Variants in PBX1 observed in about 807,000 individuals in gnomAD.
The protein encoded by PBX1 is pre-B-cell leukemia transcription factor 1.
A neutral mutation model predicts 53.4 loss-of-function variants in PBX1; 6 were observed. That is an observed-to-expected ratio of 0.11 (90% CI 0.06 to 0.22). PBX1 has a LOEUF of 0.22. Among genes scored for constraint, PBX1 ranks in the 10% least tolerant of loss-of-function variants. The pLI is 1.00. For synonymous variants in PBX1, 204 were observed against 212.3 expected (o/e 0.96, Z 0.34); for missense variants, 251 against 551.4 (o/e 0.46, Z 5.46).
chr1:164,825,338 G>T (rs901230076), intron 8 of PBX1, among the ~76,000 whole-genome samples: 1 of 151,998 alleles, frequency 6.6e-6, no homozygotes, highest in East Asian at 1.9e-4. Flanking sequence ...TCTTTGCACT[G>T]TACATACATG....
At chr1:164,669,577 T>C (rs1661004951) in intron 2 of PBX1, among the ~76,000 whole-genome samples, 2 of 152,168 alleles carry the variant, frequency 1.3e-5, no homozygotes, top group Non-Finnish European at 2.9e-5. Context: ...CCAATAGTCC[T>C]CTCCAGAAGT....
intron 2 of PBX1, among the ~76,000 whole-genome samples, chr1:164,776,402 G>A (rs1010435443): frequency 6.6e-6 from 1 of 152,124 alleles, no homozygotes; most frequent in Non-Finnish European, 1.5e-5. Context: ...AGAAGGAAGG[G>A]GTGCTGTGCT....
intron 2 of PBX1, among the ~76,000 whole-genome samples, chr1:164,685,893 C>G (rs1208401986): frequency 6.6e-6 from 1 of 152,152 alleles, no homozygotes; most frequent in East Asian, 1.9e-4. Flanking sequence ...AACCTCAGAC[C>G]ATGGTTTTCT....
At chr1:164,759,990 G>A (rs920147416) in intron 2 of PBX1, among the ~76,000 whole-genome samples, 1 of 152,148 alleles carries the variant, frequency 6.6e-6, no homozygotes, top group Non-Finnish European at 1.5e-5. Context: ...AGAGGTAGTG[G>A]CCTCTTCAAA....
chr1:164,679,027 A>T (rs527822048), intron 2 of PBX1, among the ~76,000 whole-genome samples: 1 of 152,338 alleles, frequency 6.6e-6, no homozygotes, highest in South Asian at 2.1e-4. Context: ...TTCTACATGT[A>T]TCTTCTTGTA....
At chr1:164,764,641 T>G (rs1666976011) in intron 2 of PBX1, among the ~76,000 whole-genome samples, 1 of 152,206 alleles carries the variant, frequency 6.6e-6, no homozygotes, top group Non-Finnish European at 1.5e-5. Context: ...TTCAGCTGCA[T>G]TTTTTCTTTT....
intron 2 of PBX1, among the ~76,000 whole-genome samples, chr1:164,664,425 T>C (rs190928194): frequency 6.6e-6 from 1 of 152,254 alleles, no homozygotes; most frequent in African/African-American, 2.4e-5. Flanking sequence ...GGTACATCCT[T>C]TGTGTTGCCG....
chr1:164,735,440 AG>A (rs1408444602), intron 2 of PBX1, among the ~76,000 whole-genome samples: 2 of 152,198 alleles, frequency 1.3e-5, no homozygotes, highest in Non-Finnish European at 2.9e-5. Flanking sequence ...CATTGATGAT[AG>A]TGGGAACAAA....
rs772515409 is a variant in PBX1 at position 164,820,178 on chromosome 1, A to G, written c.1104A>G (p.Gln368=). ...YQGAQVGANV[Q]SQVDTLRHVI... ...GGGCCCAGGTTGGAGCCAACGTGCA[A>G]TCACAGGTAGGGACCCAGCCAATAT... is the stretch of plus-strand genomic sequence containing the variant. Residue 368 remains glutamine, a synonymous_variant, in exon 7 of 9, where the codon CAA becomes CAG. Transcript: ENST00000420696. The G allele has an allele frequency of 4.4e-6, 7 of 1,601,012 alleles. No individual in the cohort carries two copies. Among genetic ancestry groups the G allele is most frequent in the Non-Finnish European group, 3.4e-6 (4 of 1,168,094 alleles).
chr1:164,847,638 T>G lies in PBX1; in HGVS notation c.*962T>G, dbSNP rs919457856. The G allele has an allele frequency of 9.4e-7, 1 of 1,061,032 alleles. No individual in the cohort carries two copies. The highest frequency in any genetic ancestry group is 1.6e-5 in the African/African-American group (1 of 60,806). The allele number at this position is 1,061,032 out of a possible 1,614,324, so 65.7% of individuals were successfully genotyped here. On this transcript the variant is annotated 3_prime_UTR_variant, in exon 9 of 9. Coordinates refer to ENST00000420696, the MANE Select transcript of PBX1 (RefSeq NM_002585.4). ...TCATAGACACACACGTTCATGCACA[T>G]GTAGGCACATGTACCATCTCACATC...
chr1:164,677,250 G>C (rs993887114), intron 2 of PBX1, among the ~76,000 whole-genome samples: 2 of 151,322 alleles, frequency 1.3e-5, no homozygotes, highest in Non-Finnish European at 2.9e-5. Flanking sequence ...CCGCCACCGC[G>C]CCCGGCTAAT....
chr1:164,812,321 A>G (rs887623794), intron 6 of PBX1, among the ~76,000 whole-genome samples, 172 bp downstream of exon 6: 3 of 152,202 alleles, frequency 2.0e-5, no homozygotes, highest in Non-Finnish European at 4.4e-5. Flanking sequence ...TTTCATTTCC[A>G]AAGAGCAATC....
intron 2 of PBX1, among the ~76,000 whole-genome samples, chr1:164,640,700 A>G (rs1557909536): frequency 6.6e-6 from 1 of 151,456 alleles, no homozygotes; most frequent in Non-Finnish European, 1.5e-5. Flanking sequence ...GGGATTACAG[A>G]TGCCCACCAC....
At chr1:164,645,968 C>G (rs1298190574) in intron 2 of PBX1, among the ~76,000 whole-genome samples, 1 of 152,122 alleles carries the variant, frequency 6.6e-6, no homozygotes, top group Non-Finnish European at 1.5e-5. Context: ...TGACTGTGGG[C>G]AAGTCACCTC....
chr1:164,770,035 C>G (rs1274374347), intron 2 of PBX1: 1 of 152,104 alleles, frequency 6.6e-6, no homozygotes, highest in Non-Finnish European at 1.5e-5. Flanking sequence ...ACTTATTTTC[C>G]TAAAAAATAG....
intron 3 of PBX1, among the ~76,000 whole-genome samples, chr1:164,798,889 T>A (rs1558014468): frequency 6.6e-6 from 1 of 152,146 alleles, no homozygotes; most frequent in Non-Finnish European, 1.5e-5. Context: ...CAGAAATAGG[T>A]GGATGAGAAA....
chr1:164,813,249 G>A (rs1033499279), intron 6 of PBX1: 1 of 152,076 alleles, frequency 6.6e-6, no homozygotes, highest in Non-Finnish European at 1.5e-5. Context: ...CAAGTCACTG[G>A]GCTATACCCA....
At chr1:164,876,109 C>T (rs1205052299) in intron 2 of PBX1, among the ~76,000 whole-genome samples, 1 of 150,498 alleles carries the variant, frequency 6.6e-6, no homozygotes, top group Non-Finnish European at 1.5e-5. Flanking sequence ...CAGAACAAAC[C>T]CTTGAATATT....
chr1:164,741,834 TTCCAGAGGAAAAAAATG>T (rs1665629339), intron 2 of PBX1, among the ~76,000 whole-genome samples: 1 of 151,746 alleles, frequency 6.6e-6, no homozygotes, highest in African/African-American at 2.4e-5. Context: ...TCACCTACGT[TTCCAGAGGAAAAAAATG>T]TCACCATCAA....
Sources: gnomAD v4.1 joint callset for allele counts (sites outside exome capture counted in the v4.1 genomes callset) on GRCh38, gnomAD v4.1.1 for gene constraint, MANE v1.5 for transcripts, NCBI Gene and HGNC (gene_info 2026-07-23, HGNC 2026-07-21) for gene names.